The following KDM5B variants were observed in gnomAD, a reference collection of about 807,000 sequenced individuals.
KDM5B encodes the protein lysine-specific demethylase 5B.
Under a neutral mutation model 193.4 loss-of-function variants are expected in KDM5B, and 144 were observed. That is an observed-to-expected ratio of 0.74 (90% CI 0.65 to 0.86). The LOEUF is 0.86. KDM5B is among the 40% of genes least tolerant of loss of function. The pLI is 0.00. For missense variants in KDM5B, 1,833 were observed against 1,886.9 expected (o/e 0.97, Z 0.53); for synonymous variants, 668 against 682.6 (o/e 0.98, Z 0.33).
rs1004855989 is a variant in KDM5B at position 202,767,467 on chromosome 1, G to A, written c.577-407C>T. ...AAAGGTGCAGAGACCGAGGAAGGAT[G>A]AAATGGCGGCACCTCACCAAGACCT... is the stretch of plus-strand genomic sequence containing the variant. On this transcript the variant is annotated intron_variant, in intron 4 of 26. Coordinates refer to ENST00000367265, the MANE Select transcript of KDM5B (RefSeq NM_006618.5). 2.5e-5 allele frequency: 27 copies of A among 1,083,070 alleles called. No homozygotes were observed. In the African/African-American group the frequency reaches 2.5e-4, roughly 10 times the overall value. 67.1% of individuals were successfully genotyped at this position (1,083,070 alleles called of 1,614,324 possible). A position where few individuals can be genotyped will look rare whatever the true frequency, so the allele number is the denominator to read the frequency against.
At chr1:202,797,812 A>G (rs554893762) in intron 1 of KDM5B, among the ~76,000 whole-genome samples, 2 of 152,382 alleles carry the variant, frequency 1.3e-5, no homozygotes, top group East Asian at 3.9e-4. Context: ...TACATGCACT[A>G]CATAAGACAC....
intron 25 of KDM5B, 96 bp from the exon 26 acceptor site, chr1:202,730,123 G>A (rs1468716087): frequency 8.5e-6 from 9 of 1,053,514 alleles, no homozygotes; most frequent in Non-Finnish European, 1.2e-5. Context: ...GAAATCAGAT[G>A]ATCCCCCAAT....
chr1:202,794,686 C>T (rs1657766525), intron 1 of KDM5B, among the ~76,000 whole-genome samples: 1 of 152,038 alleles, frequency 6.6e-6, no homozygotes, highest in Non-Finnish European at 1.5e-5. Flanking sequence ...GATTCAAGAC[C>T]AAAAAATCCA....
In KDM5B at chr1:202,733,564, C is replaced by A. The variant is rs1179692933; in HGVS notation, c.3746G>T (p.Gly1249Val). 1.2e-6 allele frequency: 2 copies of A among 1,614,136 alleles called. No homozygotes were observed. The highest frequency in any genetic ancestry group is 3.3e-5 in the Admixed American group (2 of 60,016). Reference protein sequence around the residue: ...LQRIRVRLPEGDALRYMIERT... With the variant: ...LQRIRVRLPEVDALRYMIERT... ...TTCAATCATATATCGAAGTGCATCT[C>A]CCTCAGGAAGGCGAACTCGGATACG... The change falls in exon 23 of 27, where the codon GGA (glycine) becomes GTA (valine). Residue 1249 changes from glycine (G) to valine (V), a missense_variant. Gly to Val is a moderately radical substitution (Grantham distance 109). Coordinates refer to ENST00000367265, the MANE Select transcript of KDM5B (RefSeq NM_006618.5).
At chr1:202,736,918 A>G (rs962191063) in intron 20 of KDM5B, among the ~76,000 whole-genome samples, 3 of 152,202 alleles carry the variant, frequency 2.0e-5, no homozygotes, top group Admixed American at 2.0e-4. Context: ...CTGGGATTAC[A>G]GTGAGCCACT....
intron 1 of KDM5B, among the ~76,000 whole-genome samples, chr1:202,805,386 G>A (rs1248643056): frequency 1.3e-5 from 2 of 152,128 alleles, no homozygotes; most frequent in African/African-American, 4.8e-5. Context: ...AGTACTCTAA[G>A]TTTTCAGAAG....
At chr1:202,768,170 C>G (rs1656553587) in intron 4 of KDM5B, among the ~76,000 whole-genome samples, 1 of 152,180 alleles carries the variant, frequency 6.6e-6, no homozygotes, top group Non-Finnish European at 1.5e-5. Context: ...TGCATCTCTT[C>G]TTTGGTTTTT....
chr1:202,751,743 C>G (rs1655800175), intron 12 of KDM5B, among the ~76,000 whole-genome samples: 1 of 152,146 alleles, frequency 6.6e-6, no homozygotes. Context: ...GATAATGAAT[C>G]CCTAAATGCA....
intron 9 of KDM5B, among the ~76,000 whole-genome samples, chr1:202,758,187 T>C (rs1182792609): frequency 1.3e-5 from 2 of 152,236 alleles, no homozygotes. Context: ...AGAGGTATCT[T>C]TAGAGAAATT....
In KDM5B at chr1:202,766,915, G is replaced by T. The variant is rs761727517; in HGVS notation, c.711+11C>A. On this transcript the variant is annotated intron_variant, in intron 5 of 26. Coordinates refer to ENST00000367265, the MANE Select transcript of KDM5B (RefSeq NM_006618.5). ...AGAATTCCTTTTAAATTAACCTCAT[G>T]AGGCTCTTACCTCTGCTCTCATGCG... 3 of 1,564,506 alleles carry T rather than the reference G, an allele frequency of 1.9e-6. No homozygotes were observed. In the South Asian group the frequency reaches 3.7e-5, roughly 19 times the overall value.
At chr1:202,739,935 T>C (rs1655242486) in intron 20 of KDM5B, among the ~76,000 whole-genome samples, 1 of 152,204 alleles carries the variant, frequency 6.6e-6, no homozygotes, top group African/African-American at 2.4e-5. Flanking sequence ...TTCCCCCCTT[T>C]CTATTCCACA....
chr1:202,765,908 T>G (rs1301647394), intron 5 of KDM5B, among the ~76,000 whole-genome samples: 1 of 152,170 alleles, frequency 6.6e-6, no homozygotes, highest in Non-Finnish European at 1.5e-5. Flanking sequence ...ATCCAAAACC[T>G]TCATACCTCT....
At chr1:202,773,049 T>C (rs1656785785) in intron 4 of KDM5B, 69 bp downstream of exon 4, 39 of 1,166,222 alleles carry the variant, frequency 3.3e-5, no homozygotes, top group South Asian at 1.4e-5. Context: ...GGCTTTTTCA[T>C]TTCCCTGAAA....
Position 202,729,807 on chromosome 1 carries a change from T to C in KDM5B, c.4397A>G (p.His1466Arg), listed in dbSNP as rs1654807588. The C allele has an allele frequency of 3.1e-6, 5 of 1,614,164 alleles. No homozygotes were observed. The highest frequency in any genetic ancestry group is 4.2e-6 in the Non-Finnish European group (5 of 1,180,006). The change falls in exon 26 of 27, where the codon CAT (histidine) becomes CGT (arginine). Residue 1466 changes from histidine to arginine, a missense_variant. His to Arg is a conservative substitution (Grantham distance 29). Transcript: ENST00000367265. Reference protein sequence around the residue: ...SYELVRSAETHSLPSDTSYSE... With the variant: ...SYELVRSAETRSLPSDTSYSE... Reference sequence around the variant, plus strand: ...ATAGGATGTGTCTGAGGGCAGGGAATGAGTTTCAGCAGAACGAACTAATTC... The same window carrying C: ...ATAGGATGTGTCTGAGGGCAGGGAACGAGTTTCAGCAGAACGAACTAATTC...
At chr1:202,785,634 A>G (rs1657378493) in intron 1 of KDM5B, among the ~76,000 whole-genome samples, 1 of 152,146 alleles carries the variant, frequency 6.6e-6, no homozygotes, top group Non-Finnish European at 1.5e-5. Context: ...AGTTTTGGGA[A>G]GGTGTGGTGG....
chr1:202,800,917 C>A (rs1318715769), intron 1 of KDM5B, among the ~76,000 whole-genome samples: 1 of 152,218 alleles, frequency 6.6e-6, no homozygotes, highest in African/African-American at 2.4e-5. Flanking sequence ...AAGCCATTGA[C>A]TAAAACTGAG....
chr1:202,807,235 C>T (rs949356148), intron 1 of KDM5B: 1 of 152,286 alleles, frequency 6.6e-6, no homozygotes, highest in African/African-American at 2.4e-5. Flanking sequence ...GGACCCCATC[C>T]CCACCAGCAC....
chr1:202,777,547 G>A (rs1343381665), intron 1 of KDM5B, among the ~76,000 whole-genome samples: 1 of 151,130 alleles, frequency 6.6e-6, no homozygotes, highest in Non-Finnish European at 1.5e-5. Context: ...AGGCTTAAGT[G>A]CAGTGGTGTG....
chr1:202,732,919 G>A (rs934175664), intron 23 of KDM5B, among the ~76,000 whole-genome samples: 2 of 152,192 alleles, frequency 1.3e-5, no homozygotes, highest in Admixed American at 6.5e-5. Flanking sequence ...TGTAACCCAG[G>A]AGCTTTCCTC....
Sources: gnomAD v4.1 joint callset for allele counts (sites outside exome capture counted in the v4.1 genomes callset) on GRCh38, gnomAD v4.1.1 for gene constraint, MANE v1.5 for transcripts, NCBI Gene and HGNC (gene_info 2026-07-23, HGNC 2026-07-21) for gene names.